The following TTLL2 variants were observed in gnomAD, a reference collection of about 807,000 sequenced individuals.
TTLL2 encodes the protein probable tubulin polyglutamylase TTLL2.
A neutral mutation model predicts 7.5 loss-of-function variants in TTLL2; 10 were observed. The observed-to-expected ratio is 1.33, with a 90% confidence interval of 0.82 to 2.25. The LOEUF is 2.25. TTLL2 is among the 30% of genes most tolerant of loss of function. The pLI, the probability that TTLL2 is intolerant of heterozygous loss-of-function variation, is 0.00. For synonymous variants in TTLL2, 284 were observed against 280.3 expected (o/e 1.01, Z -0.13); for missense variants, 733 against 735.7 (o/e 1.00, Z 0.04).
chr6:167,338,824 G>GTTTCC, intron 2 of TTLL2, 21 bp downstream of exon 2: 1 of 1,025,198 alleles, frequency 9.8e-7, no homozygotes, highest in East Asian at 3.1e-5. Context: ...AAGCCAGGTA[G>GTTTCC]TTCCTTCCTT....
At position 167,340,981 on chromosome 6, in the gene TTLL2, C is replaced by T; in HGVS notation, c.1081C>T (p.Pro361Ser). Reference sequence around the variant, plus strand: ...CATTCTCGCCATTGCACCATCTGTCCCCTTTGCTGCCAATTGCTTTGAGCT... The same window carrying T: ...CATTCTCGCCATTGCACCATCTGTCTCCTTTGCTGCCAATTGCTTTGAGCT... ...LTILAIAPSV[P>S]FAANCFELFG... The change falls in exon 3 of 3, where the codon CCC becomes TCC. Residue 361 changes from proline (P) to serine (S), a missense_variant. Coordinates refer to ENST00000239587, the MANE Select transcript of TTLL2 (RefSeq NM_031949.5). The T allele has an allele frequency of 6.2e-7, 1 of 1,613,990 alleles. No individual in the cohort carries two copies. The highest frequency in any genetic ancestry group is 8.5e-7 in the Non-Finnish European group (1 of 1,180,006).
intron 1 of TTLL2, chr6:167,328,464 G>T: frequency 3.9e-6 from 1 of 254,110 alleles, no homozygotes; most frequent in Non-Finnish European, 7.9e-6. Context: ...CCTGGTCATT[G>T]GAATGCTGTC....
At chr6:167,331,359 C>T (rs796453645) in intron 1 of TTLL2, among the ~76,000 whole-genome samples, 11 of 152,276 alleles carry the variant, frequency 7.2e-5, no homozygotes, top group African/African-American at 2.6e-4. Flanking sequence ...CTCCTTCCTC[C>T]TGTGTGGATG....
At chr6:167,337,962 T>C (rs1779012224) in intron 1 of TTLL2, among the ~76,000 whole-genome samples, 1 of 145,446 alleles carries the variant, frequency 6.9e-6, no homozygotes, top group Non-Finnish European at 1.5e-5. Flanking sequence ...CACACATACA[T>C]ACCACGTATA....
chr6:167,325,088 T>C lies in TTLL2; in HGVS notation c.-86T>C, dbSNP rs7743050. ...CAGACCCTGCATCATCAGCAACCAG[T>C]GCTCCCTCCAGCCTCCGCGCATTTC... On this transcript the variant is annotated 5_prime_UTR_variant, in exon 1 of 3. Transcript: ENST00000239587. 0.018 allele frequency: 25,559 copies of C among 1,426,076 alleles called. 1,664 individuals are homozygous for C. Among genetic ancestry groups the C allele is most frequent in the African/African-American group, 0.16 (11,348 of 70,378 alleles). 88.3% of individuals were successfully genotyped at this position (1,426,076 alleles called of 1,614,324 possible).
chr6:167,325,300 G>T (rs1156529018), intron 1 of TTLL2, 80 bp downstream of exon 1: 1 of 1,380,582 alleles, frequency 7.2e-7, no homozygotes, highest in Middle Eastern at 2.0e-4. Context: ...CTTCCCGAGA[G>T]CACAGGGGCC....
chr6:167,340,056 G>A (rs767654845), intron 2 of TTLL2, 49 bp from the exon 3 acceptor site: 1 of 1,524,888 alleles, frequency 6.6e-7, no homozygotes, highest in Non-Finnish European at 8.8e-7. Context: ...AATCTACTAG[G>A]TTATGGTCTT....
At chr6:167,328,618 G>T (rs1018202121) in intron 1 of TTLL2, among the ~76,000 whole-genome samples, 2 of 152,188 alleles carry the variant, frequency 1.3e-5, no homozygotes, top group African/African-American at 4.8e-5. Context: ...TGGGTTAAAT[G>T]GTGGCTTAGT....
At chr6:167,331,446 T>C (rs1343154887) in intron 1 of TTLL2, among the ~76,000 whole-genome samples, 2 of 152,194 alleles carry the variant, frequency 1.3e-5, no homozygotes, top group Non-Finnish European at 2.9e-5. Flanking sequence ...ACCTCTGTTG[T>C]ACGTTTTACT....
At chr6:167,338,852 C>A in intron 2 of TTLL2, 49 bp downstream of exon 2, 1 of 1,455,628 alleles carries the variant, frequency 6.9e-7, no homozygotes, top group Non-Finnish European at 9.2e-7. Context: ...TCCTTCCTTC[C>A]TTCCTTCCTT....
intron 2 of TTLL2, 136 bp downstream of exon 2, chr6:167,338,939 C>T: frequency 1.1e-6 from 1 of 870,338 alleles, no homozygotes; most frequent in East Asian, 2.9e-5. Flanking sequence ...TCCTTCCTTC[C>T]CTTCCTCCTT....
At chr6:167,340,029 C>T in intron 2 of TTLL2, 76 bp from the exon 3 acceptor site, 2 of 1,492,244 alleles carry the variant, frequency 1.3e-6, no homozygotes, top group Non-Finnish European at 1.8e-6. Flanking sequence ...GCACCGGGTG[C>T]ACGGTTTCCT....
rs1241236124 is a variant in TTLL2, at chr6:167,342,445, G to A, written c.*766G>A. Among the ~76,000 whole-genome samples, 1 of 152,212 alleles carries A rather than the reference G, an allele frequency of 6.6e-6. No individual in the cohort carries two copies. The highest frequency in any genetic ancestry group is 1.9e-4 in the East Asian group (1 of 5,200). ...AGTAGTCAGATACAAAAGGCCACATGTTGTATGACTCCGTTGATATGGAAT... is the reference window on the plus strand; with the variant it reads ...AGTAGTCAGATACAAAAGGCCACATATTGTATGACTCCGTTGATATGGAAT... On this transcript the variant is annotated 3_prime_UTR_variant, in exon 3 of 3. Transcript: ENST00000239587.
intron 1 of TTLL2, among the ~76,000 whole-genome samples, chr6:167,327,753 A>C (rs1040853961): frequency 2.0e-5 from 3 of 152,230 alleles, no homozygotes; most frequent in Admixed American, 2.0e-4. Flanking sequence ...AGGAATTCCA[A>C]GTAAAGCAGG....
At chr6:167,339,755 A>T (rs541507999) in intron 2 of TTLL2, among the ~76,000 whole-genome samples, 38 of 152,306 alleles carry the variant, frequency 2.5e-4, no homozygotes, top group African/African-American at 8.7e-4. Context: ...AATCATGCTC[A>T]CTTTTTAGGC....
At chr6:167,339,602 GAA>G (rs1214644169) in intron 2 of TTLL2, among the ~76,000 whole-genome samples, 1 of 152,130 alleles carries the variant, frequency 6.6e-6, no homozygotes, top group Non-Finnish European at 1.5e-5. Flanking sequence ...GGTGCATGGG[GAA>G]CCATGGTAGG....
intron 1 of TTLL2, among the ~76,000 whole-genome samples, chr6:167,330,934 G>T (rs537477915): frequency 1.3e-5 from 2 of 152,246 alleles, no homozygotes; most frequent in South Asian, 4.1e-4. Context: ...GCTCGATAGC[G>T]CCTGACTGGG....
intron 1 of TTLL2, among the ~76,000 whole-genome samples, 198 bp downstream of exon 1, chr6:167,325,418 T>G (rs1317247007): frequency 1.3e-5 from 2 of 152,222 alleles, no homozygotes; most frequent in African/African-American, 4.8e-5. Context: ...TATGAAGTCA[T>G]GTACTTTTCA....
chr6:167,341,826 A>C lies in TTLL2; in HGVS notation c.*147A>C. 3.6e-6 allele frequency: 3 copies of C among 840,120 alleles called. No individual in the cohort carries two copies. The highest frequency in any genetic ancestry group is 1.9e-5 in the South Asian group (1 of 52,712). The allele number at this position is 840,120 out of a possible 1,614,324, so 52.0% of individuals were successfully genotyped here. A position where few individuals can be genotyped will look rare whatever the true frequency, so the allele number is the denominator to read the frequency against. ...GACTGAAGATGTGGCCATATGTATA[A>C]ATATAACAGCTCTGACAAAGCACAA... is the stretch of plus-strand genomic sequence containing the variant. On this transcript the variant is annotated 3_prime_UTR_variant, in exon 3 of 3. Coordinates refer to ENST00000239587, the MANE Select transcript of TTLL2 (RefSeq NM_031949.5).
Sources: gnomAD v4.1 joint callset for allele counts (sites outside exome capture counted in the v4.1 genomes callset) on GRCh38, gnomAD v4.1.1 for gene constraint, MANE v1.5 for transcripts, NCBI Gene and HGNC (gene_info 2026-07-23, HGNC 2026-07-21) for gene names.